The following WLS variants were observed in gnomAD, a reference collection of about 807,000 sequenced individuals.
WLS encodes protein wntless homolog.
WLS carries 23 observed loss-of-function variants against 62.8 expected under a neutral mutation model. The observed-to-expected ratio is 0.37, with a 90% CI of 0.26 to 0.52. The LOEUF (loss-of-function observed/expected upper bound fraction) is 0.52. WLS is among the 20% of genes least tolerant of loss of function. WLS has a pLI of 0.92. For missense variants in WLS, 615 were observed against 697.3 expected (o/e 0.88, Z 1.33); for synonymous variants, 246 against 244.1 (o/e 1.01, Z -0.07).
chr1:68,151,425 G>A (rs1320337628), intron 5 of WLS, among the ~76,000 whole-genome samples: 1 of 152,138 alleles, frequency 6.6e-6, no homozygotes, highest in Admixed American at 6.5e-5. Flanking sequence ...ACAATGGAGT[G>A]ACATGATTCA....
chr1:68,123,615 CT>C (rs1470804472), downstream of WLS, among the ~76,000 whole-genome samples: 1 of 152,082 alleles, frequency 6.6e-6, no homozygotes, highest in Non-Finnish European at 1.5e-5. Flanking sequence ...TGTGCTAGAT[CT>C]TTTCTGATTG....
In WLS at chr1:68,227,840, C is replaced by T. The variant is rs557158816; in HGVS notation, c.106+4354G>A. On this transcript the variant is annotated intron_variant, in intron 1 of 11. Coordinates refer to ENST00000262348, the MANE Select transcript of WLS (RefSeq NM_024911.7). Reference sequence around the variant, plus strand: ...TCATTAAGATATATTAAAAGAAATGCAACAAGCTTAAAATCTAATAAATTG... The same window carrying T: ...TCATTAAGATATATTAAAAGAAATGTAACAAGCTTAAAATCTAATAAATTG... Among the ~76,000 whole-genome samples, 13 of 152,236 alleles carry T rather than the reference C, an allele frequency of 8.5e-5. No homozygotes were observed. In the South Asian group the frequency reaches 1.7e-3, roughly 19 times the overall value.
At position 68,182,385 on chromosome 1, in the gene WLS, A is replaced by G. The variant is rs553819202; in HGVS notation, c.379+11570T>C. ...CAATATAACATGCTCACAACGGTCA[A>G]TTCCAAAGGAAGAGCTGTCAAGAAG... On this transcript the variant is annotated intron_variant, in intron 2 of 11. Coordinates refer to ENST00000262348, the MANE Select transcript of WLS (RefSeq NM_024911.7). 1.4e-4 allele frequency among the ~76,000 whole-genome samples: 22 copies of G among 152,364 alleles called. No homozygotes were observed. The South Asian group carries it at 1.9e-3, about 13-fold the overall frequency.
At chr1:68,187,189 C>CAAAAAAAAAAAA (rs34130992) in intron 2 of WLS, among the ~76,000 whole-genome samples, 12 of 57,162 alleles carry the variant, frequency 2.1e-4, no homozygotes, top group African/African-American at 5.2e-4. Flanking sequence ...ACTCCATCTC[C>CAAAAAAAAAAAA]AAAAAAAAAA....
At position 68,194,174 on chromosome 1, in the gene WLS, G is replaced by C. The variant is rs368075278; in HGVS notation, c.160C>G (p.Arg54Gly). ...SYMSVKCVDA[R>G]KNHHKTKWFV... ...CATTTTGTCTTGTGATGGTTCTTAC[G>C]GGCATCCACACATTTCACCGACATG... Residue 54 changes from arginine (R) to glycine (G), a missense_variant, in exon 2 of 12, where the codon CGT becomes GGT. By Grantham distance (125) the Arg-to-Gly change is moderately radical. Coordinates refer to ENST00000262348, the MANE Select transcript of WLS (RefSeq NM_024911.7). The C allele has an allele frequency of 2.5e-6, 4 of 1,614,012 alleles. No homozygotes were observed. The African/African-American group carries it at 4.0e-5, about 16-fold the overall frequency.
At chr1:68,161,130 C>CT (rs201036902) in intron 2 of WLS, among the ~76,000 whole-genome samples, 117 of 151,566 alleles carry the variant, frequency 7.7e-4, no homozygotes, top group African/African-American at 2.4e-3. Context: ...AAAGTTAATA[C>CT]TTTTTTTTTG....
At chr1:68,118,833 C>T (rs1473875600) in intron 11 of WLS, among the ~76,000 whole-genome samples, 5 of 135,764 alleles carry the variant, frequency 3.7e-5, no homozygotes, top group Admixed American at 2.4e-4. Context: ...GCCGAGATCA[C>T]GCCACTGCAT....
At chr1:68,218,239 T>A (rs1014069728) in intron 1 of WLS, among the ~76,000 whole-genome samples, 2 of 51,754 alleles carry the variant, frequency 3.9e-5, no homozygotes, top group Non-Finnish European at 8.7e-5. Flanking sequence ...AATGGTGGAT[T>A]TTTTTTTCTT....
intron 2 of WLS, chr1:68,162,175 G>A: frequency 1.4e-6 from 2 of 1,446,014 alleles, no homozygotes; most frequent in South Asian, 1.1e-5. Flanking sequence ...CGGACCCTGA[G>A]CAAAGCTAAA....
At chr1:68,130,670 T>C (rs1266267224) in intron 11 of WLS, among the ~76,000 whole-genome samples, 1 of 152,130 alleles carries the variant, frequency 6.6e-6, no homozygotes. Flanking sequence ...TGCTTAAGAA[T>C]ATGTCTGCCT....
chr1:68,124,172 C>T (rs1025863592), downstream of WLS, among the ~76,000 whole-genome samples: 3 of 152,204 alleles, frequency 2.0e-5, no homozygotes. Flanking sequence ...TCCTCCAAGT[C>T]CTCTGCTACT....
chr1:68,223,550 T>C (rs1297711919), intron 1 of WLS, among the ~76,000 whole-genome samples: 1 of 152,150 alleles, frequency 6.6e-6, no homozygotes, highest in Admixed American at 6.5e-5. Flanking sequence ...CAAAGAAATG[T>C]AGGAGAGATG....
chr1:68,177,742 C>T (rs1182460448), intron 2 of WLS, among the ~76,000 whole-genome samples: 1 of 152,188 alleles, frequency 6.6e-6, no homozygotes, highest in Non-Finnish European at 1.5e-5. Context: ...GATCTGCCCT[C>T]CTGGGCCTCC....
At chr1:68,230,407 G>A (rs1168812997) in intron 1 of WLS, among the ~76,000 whole-genome samples, 1 of 152,104 alleles carries the variant, frequency 6.6e-6, no homozygotes, top group African/African-American at 2.4e-5. Context: ...CTCATCAAGG[G>A]AGACAAGAGG....
downstream of WLS, among the ~76,000 whole-genome samples, chr1:68,124,478 C>G (rs922139675): frequency 6.6e-6 from 1 of 152,168 alleles, no homozygotes; most frequent in Admixed American, 6.5e-5. Context: ...CCCGTTGGCT[C>G]TGGTAAAATC....
intron 1 of WLS, among the ~76,000 whole-genome samples, chr1:68,218,450 T>C (rs1649821944): frequency 6.6e-6 from 1 of 152,162 alleles, no homozygotes; most frequent in Non-Finnish European, 1.5e-5. Flanking sequence ...AAAGACCTTT[T>C]ATGCCAGCCT....
chr1:68,141,149 C>G (rs974202814), intron 10 of WLS, among the ~76,000 whole-genome samples: 1 of 152,198 alleles, frequency 6.6e-6, no homozygotes, highest in African/African-American at 2.4e-5. Context: ...ACCCAGTAGT[C>G]TTGACAACCA....
At chr1:68,229,824 G>T (rs1167962938) in intron 1 of WLS, among the ~76,000 whole-genome samples, 1 of 152,172 alleles carries the variant, frequency 6.6e-6, no homozygotes, top group Non-Finnish European at 1.5e-5. Flanking sequence ...GGAAGGAGAG[G>T]TAAGCAGTAA....
At chr1:68,170,483 A>G (rs1335405914) in intron 2 of WLS, among the ~76,000 whole-genome samples, 1 of 151,606 alleles carries the variant, frequency 6.6e-6, no homozygotes, top group African/African-American at 2.4e-5. Flanking sequence ...CTGCTATTTC[A>G]AGGCTAGTAC....
Sources: allele counts gnomAD v4.1 joint callset (sites outside exome capture counted in the v4.1 genomes callset), GRCh38; gene constraint gnomAD v4.1.1; transcripts MANE v1.5; gene names NCBI Gene and HGNC (gene_info 2026-07-23, HGNC 2026-07-21).